The following ULK2 variants were observed in gnomAD, a reference collection of about 807,000 sequenced individuals.
ULK2 encodes the protein serine/threonine-protein kinase ULK2.
A neutral mutation model predicts 127.5 loss-of-function variants in ULK2; 76 were observed. The ratio of observed to expected loss-of-function variants is 0.60; its 90% confidence interval spans 0.50 to 0.72. The LOEUF is 0.72. ULK2 is among the 30% of genes least tolerant of loss of function. ULK2 has a pLI of 0.00. For synonymous variants in ULK2, 452 were observed against 461.9 expected, an observed-to-expected ratio of 0.98 and a Z score of 0.28; for missense variants, 1,144 against 1,295.9, an observed-to-expected ratio of 0.88 and a Z score of 1.80.
chr17:19,849,243 C>T, intron 5 of ULK2, 126 bp downstream of exon 5: 2 of 842,108 alleles, frequency 2.4e-6, no homozygotes, highest in Non-Finnish European at 3.7e-6. Flanking sequence ...CAAACAAATA[C>T]ACAAATATTT....
At position 19,852,044 on chromosome 17, in the gene ULK2, CAAAAA is replaced by C. The variant is rs201031615; in HGVS notation, c.226-2275_226-2271del. On this transcript the variant is annotated intron_variant, in intron 3 of 26. Transcript: ENST00000395544. ...CTGGCAACAGAATGAGACTCCATCT[CAAAAA>C]AAAAAAAAAAAAAAAAAATACAAAA... Among the ~76,000 whole-genome samples the C allele has an allele frequency of 8.1e-5, 4 of 49,130 alleles. No homozygotes were observed. In the Admixed American group the frequency reaches 9.3e-4, roughly 11 times the overall value. The allele number at this position is 49,130 out of a possible 152,430, so 32.2% of individuals were successfully genotyped here.
intron 13 of ULK2, among the ~76,000 whole-genome samples, chr17:19,813,302 CA>C (rs1302430540): frequency 4.9e-4 from 75 of 152,012 alleles, no homozygotes; most frequent in African/African-American, 1.8e-3. Context: ...AAGAAGCATA[CA>C]ATATACTGCA....
chr17:19,862,182 C>T lies in ULK2; in HGVS notation c.225+2621G>A, dbSNP rs185368289. On this transcript the variant is annotated intron_variant, in intron 3 of 26. Transcript: ENST00000395544. ...CACGATCTCAGCTCACTGCAACCTC[C>T]GCCTCCCGGGTTCAAGTGATTCTCC... is the stretch of plus-strand genomic sequence containing the variant. 2.3e-3 allele frequency among the ~76,000 whole-genome samples: 342 copies of T among 151,040 alleles called. 1 individual carries two copies. The highest frequency in any genetic ancestry group is 7.5e-3 in the African/African-American group (310 of 41,138).
intron 23 of ULK2, 92 bp from the exon 24 acceptor site, chr17:19,781,196 C>A: frequency 2.1e-5 from 18 of 856,256 alleles, no homozygotes; most frequent in Non-Finnish European, 3.0e-5. Flanking sequence ...AATTGCCTTT[C>A]TATAAAGGAA....
chr17:19,842,504 A>G (rs902811137), intron 8 of ULK2, among the ~76,000 whole-genome samples: 4 of 151,746 alleles, frequency 2.6e-5, no homozygotes, highest in African/African-American at 9.7e-5. Flanking sequence ...GCCATCACTA[A>G]TTTTCTTAAT....
At chr17:19,785,718 T>G (rs944106736) in intron 21 of ULK2, among the ~76,000 whole-genome samples, 2 of 151,904 alleles carry the variant, frequency 1.3e-5, no homozygotes, top group Admixed American at 1.3e-4. Flanking sequence ...TTTTAATATA[T>G]AATATAGCAC....
rs953407442 is a variant in ULK2 at position 19,775,544 on chromosome 17, GA to G, written c.*804del. The G allele has an allele frequency of 6.8e-6, 1 of 146,366 alleles. No homozygotes were observed. Among genetic ancestry groups the G allele is most frequent in the African/African-American group, 2.6e-5 (1 of 39,010 alleles). 9.1% of individuals were successfully genotyped at this position (146,366 alleles called of 1,614,324 possible). The stretch of plus-strand genomic sequence containing the variant: ...CAAAAGCTAACAAAAACATTACTGA[GA>G]AAATCTGTAGGTGTAGATAAAGAAG... On this transcript the variant is annotated 3_prime_UTR_variant, in exon 27 of 27. Coordinates refer to ENST00000395544, the MANE Select transcript of ULK2 (RefSeq NM_014683.4).
chr17:19,860,776 G>A (rs28632080), intron 3 of ULK2, among the ~76,000 whole-genome samples: 6,631 of 151,950 alleles, frequency 0.044, 407 homozygotes, highest in East Asian at 0.15. Context: ...TGCCTGCCTC[G>A]GCCTCCCAAA....
intron 9 of ULK2, chr17:19,840,545 G>T: frequency 3.2e-6 from 1 of 316,934 alleles, no homozygotes; most frequent in Non-Finnish European, 6.2e-6. Context: ...ATGTACTCCT[G>T]CCTAAATAGT....
In ULK2 at chr17:19,775,401, A is replaced by G. The variant is rs967633881; in HGVS notation, c.*948T>C. 6 of 152,596 alleles carry G rather than the reference A, an allele frequency of 3.9e-5. No homozygotes were observed. Among genetic ancestry groups the G allele is most frequent in the African/African-American group, 1.4e-4 (6 of 41,448 alleles). 9.5% of individuals were successfully genotyped at this position (152,596 alleles called of 1,614,324 possible). On this transcript the variant is annotated 3_prime_UTR_variant, in exon 27 of 27. Transcript: ENST00000395544. ...TTGTTTTGGCCCTATTCAAATTATC[A>G]AGAGTATCTCTTGATCCATGATTTT... is the stretch of plus-strand genomic sequence containing the variant.
chr17:19,785,728 C>T (rs184006), intron 21 of ULK2, among the ~76,000 whole-genome samples: 143,489 of 151,948 alleles, frequency 0.94, 67,924 homozygotes, highest in Non-Finnish European at 0.97. Flanking sequence ...TAATATAGCA[C>T]TTTACAAAGT....
rs547637157 is a variant in ULK2 at position 19,813,303 on chromosome 17, A to G, written c.1097-2865T>C. 6.6e-4 allele frequency among the ~76,000 whole-genome samples: 100 copies of G among 152,184 alleles called. 1 individual carries two copies. The highest frequency in any genetic ancestry group is 2.4e-3 in the African/African-American group (99 of 41,438). Reference sequence around the variant, plus strand: ...AATTCTCCATCATCAAGAAGCATACAATATACTGCATGTTGAAATAAGAAC... The same window carrying G: ...AATTCTCCATCATCAAGAAGCATACGATATACTGCATGTTGAAATAAGAAC... On this transcript the variant is annotated intron_variant, in intron 13 of 26. Transcript: ENST00000395544.
intron 25 of ULK2, among the ~76,000 whole-genome samples, chr17:19,779,214 T>C (rs2086866984): frequency 6.6e-6 from 1 of 151,996 alleles, no homozygotes; most frequent in Non-Finnish European, 1.5e-5. Context: ...GAAAGGGGGA[T>C]CTATTATGTT....
chr17:19,844,172 C>G (rs762617029), intron 7 of ULK2, among the ~76,000 whole-genome samples: 3 of 152,262 alleles, frequency 2.0e-5, no homozygotes, highest in Admixed American at 1.3e-4. Context: ...TGCTTTGTTA[C>G]GGGTATTTTC....
chr17:19,812,653 T>A (rs1257193703), intron 13 of ULK2, among the ~76,000 whole-genome samples: 3 of 152,228 alleles, frequency 2.0e-5, no homozygotes, highest in African/African-American at 7.2e-5. Flanking sequence ...AGTTCTGTAC[T>A]GCATATTGCT....
chr17:19,772,169 T>C lies in ULK2; in HGVS notation c.*4180A>G, dbSNP rs543928725. ...GCAGCAAGATCTCAGCCTCTGCTCC[T>C]TTCCCTAGTACAGTTTGATCTCTGA... On this transcript the variant is annotated 3_prime_UTR_variant, in exon 27 of 27. Transcript: ENST00000395544. 2.8e-3 allele frequency: 420 copies of C among 152,458 alleles called. No homozygotes were observed. Among genetic ancestry groups the C allele is most frequent in the Middle Eastern group, 6.7e-3 (2 of 298 alleles). The allele number at this position is 152,458 out of a possible 1,614,324, so 9.4% of individuals were successfully genotyped here.
In ULK2 at chr17:19,795,742, T is replaced by C. The variant is rs200493985; in HGVS notation, c.1998-17A>G. 7 of 1,605,476 alleles carry C rather than the reference T, an allele frequency of 4.4e-6. No individual in the cohort carries two copies. In the East Asian group the frequency reaches 8.9e-5, roughly 20 times the overall value. On this transcript the variant is annotated splice_polypyrimidine_tract_variant and intron_variant, in intron 19 of 26. Coordinates refer to ENST00000395544, the MANE Select transcript of ULK2 (RefSeq NM_014683.4). ...CTGACAGATCTAAAAAGAATAGTGA[T>C]GTTTTTAATAAAGGAAAAGTATACT...
intron 3 of ULK2, among the ~76,000 whole-genome samples, chr17:19,854,322 A>G (rs1245193339): frequency 1.3e-5 from 2 of 151,750 alleles, no homozygotes; most frequent in Admixed American, 6.6e-5. Context: ...TAGCTTCCTG[A>G]TCTAACACAA....
intron 10 of ULK2, among the ~76,000 whole-genome samples, chr17:19,833,892 A>G (rs1005874511): frequency 6.6e-6 from 1 of 152,244 alleles, no homozygotes; most frequent in Non-Finnish European, 1.5e-5. Context: ...GACAGAATGA[A>G]TATTTTAAGA....
Sources: allele counts gnomAD v4.1 joint callset (sites outside exome capture counted in the v4.1 genomes callset), GRCh38; gene constraint gnomAD v4.1.1; transcripts MANE v1.5; gene names NCBI Gene and HGNC (gene_info 2026-07-23, HGNC 2026-07-21).